Variants in PTMA observed in about 807,000 individuals in gnomAD.
PTMA encodes the protein prothymosin alpha, also known as gene sequence 28.
PTMA carries 4 observed loss-of-function variants against 16.9 expected under a neutral mutation model. The ratio of observed to expected loss-of-function variants is 0.24; its 90% CI spans 0.12 to 0.54. PTMA has a LOEUF of 0.54. Among genes scored for constraint, PTMA ranks in the 20% least tolerant of loss-of-function variants. The pLI is 0.95. For missense variants in PTMA, 120 were observed against 137.7 expected, an observed-to-expected ratio of 0.87 and a Z score of 0.64; for synonymous variants, 58 against 47.9, an observed-to-expected ratio of 1.21 and a Z score of -0.87.
rs375691548 is a variant in PTMA, at chr2:231,712,432, A to G, written c.212-11A>G. The G allele has an allele frequency of 3.7e-6, 6 of 1,613,344 alleles. No individual in the cohort carries two copies. The highest frequency in any genetic ancestry group is 5.1e-6 in the Non-Finnish European group (6 of 1,179,398). The stretch of plus-strand genomic sequence containing the variant: ...GGAAGTGTGGTTTACCTGGCCTTTG[A>G]TTCTCTCCAGGTGAGGAAGAGGATG... On this transcript the variant is annotated splice_polypyrimidine_tract_variant and intron_variant, in intron 3 of 4. Transcript: ENST00000409115.
intron 1 of PTMA, 189 bp from the exon 2 acceptor site, chr2:231,711,159 C>T: frequency 1.9e-6 from 1 of 524,982 alleles, no homozygotes; most frequent in Non-Finnish European, 3.4e-6. Context: ...TCACAGATGC[C>T]CCCCGCCGGC....
chr2:231,709,057 G>A (rs2048479346), intron 1 of PTMA, among the ~76,000 whole-genome samples: 1 of 152,174 alleles, frequency 6.6e-6, no homozygotes, highest in African/African-American at 2.4e-5. Flanking sequence ...AGTGGCGGCG[G>A]GAGGAGAAGA....
Position 231,708,535 on chromosome 2 carries a change from C to T in PTMA, c.-172C>T. On this transcript the variant is annotated 5_prime_UTR_variant, in exon 1 of 5. Coordinates refer to ENST00000409115, the MANE Select transcript of PTMA (RefSeq NM_002823.5). ...TGGCGCCGCGTGAGTCCCCCACTGG[C>T]TGCTCTGAAAAGCCATCTTTGCATT... 2 of 749,600 alleles carry T rather than the reference C, an allele frequency of 2.7e-6. No homozygotes were observed. Among genetic ancestry groups the T allele is most frequent in the South Asian group, 1.5e-5 (1 of 67,366 alleles). The allele number at this position is 749,600 out of a possible 1,614,324, so 46.4% of individuals were successfully genotyped here.
chr2:231,712,651 C>A (rs558179699), intron 4 of PTMA, 135 bp downstream of exon 4: 276 of 1,312,778 alleles, frequency 2.1e-4, no homozygotes, highest in Non-Finnish European at 2.7e-4. Context: ...ATCTTAAGAA[C>A]AGGAAGGAAA....
Position 231,712,447 on chromosome 2 carries a change from G to T in PTMA, c.216G>T (p.Glu72Asp). The T allele has an allele frequency of 6.2e-7, 1 of 1,614,070 alleles. No homozygotes were observed. Among genetic ancestry groups the T allele is most frequent in the East Asian group, 2.2e-5 (1 of 44,890 alleles). The change falls in exon 4 of 5, where the codon GAG becomes GAT. Residue 72 changes from glutamate to aspartate, a missense_variant. Coordinates refer to ENST00000409115, the MANE Select transcript of PTMA (RefSeq NM_002823.5). ...CTGGCCTTTGATTCTCTCCAGGTGA[G>T]GAAGAGGATGGAGATGAAGATGAGG... Reference protein sequence around the residue: ...EEEEEEEGDGEEEDGDEDEEA... With the variant: ...EEEEEEEGDGDEEDGDEDEEA...
chr2:231,711,715 G>C (rs1236570761), intron 2 of PTMA, 175 bp from the exon 3 acceptor site: 2 of 1,232,910 alleles, frequency 1.6e-6, no homozygotes, highest in African/African-American at 3.1e-5. Flanking sequence ...TAATGTGCAG[G>C]TTTCATGATG....
At chr2:231,710,262 T>C in intron 1 of PTMA, 1 of 1,334,352 alleles carries the variant, frequency 7.5e-7, no homozygotes, top group Admixed American at 2.9e-5. Flanking sequence ...CCCGCGCGCG[T>C]GCCACTGCAA....
chr2:231,711,130 A>G (rs762983275), intron 1 of PTMA: 1 of 446,890 alleles, frequency 2.2e-6, no homozygotes, highest in South Asian at 2.9e-5. Flanking sequence ...AGCGGGCCTT[A>G]AAGGATGGGA....
At chr2:231,711,115 G>A in intron 1 of PTMA, 3 of 395,274 alleles carry the variant, frequency 7.6e-6, no homozygotes. Flanking sequence ...CACCGGGGCC[G>A]CTGTAGCGGG....
At chr2:231,711,707 A>G in intron 2 of PTMA, 183 bp from the exon 3 acceptor site, 3 of 1,129,272 alleles carry the variant, frequency 2.7e-6, no homozygotes, top group Non-Finnish European at 3.7e-6. Flanking sequence ...GGGGCAGTTA[A>G]TGTGCAGGTT....
intron 1 of PTMA, chr2:231,709,884 C>T (rs2048494040): frequency 1.3e-5 from 4 of 314,356 alleles, no homozygotes; most frequent in African/African-American, 4.3e-5. Flanking sequence ...CCCTTGTGTC[C>T]CTGGCGTCAT....
intron 3 of PTMA, 34 bp from the exon 4 acceptor site, chr2:231,712,409 A>G (rs1559289774): frequency 3.4e-5 from 54 of 1,593,290 alleles, no homozygotes; most frequent in Non-Finnish European, 4.4e-5. Flanking sequence ...AGTAGGAGGG[A>G]AGTGTGGTTT....
At chr2:231,710,211 A>AGT in intron 1 of PTMA, 1 of 1,338,498 alleles carries the variant, frequency 7.5e-7, no homozygotes, top group Non-Finnish European at 9.7e-7. Flanking sequence ...GGGTGGCGGC[A>AGT]GTGGGGCGTC....
chr2:231,708,844 G>A (rs541482683), intron 1 of PTMA, 93 bp downstream of exon 1: 7 of 1,436,834 alleles, frequency 4.9e-6, no homozygotes, highest in South Asian at 1.2e-5. Flanking sequence ...CAAGCCCGCT[G>A]TTGCTCCCTC....
intron 1 of PTMA, among the ~76,000 whole-genome samples, chr2:231,710,920 CTTAT>C (rs138140192): frequency 0.014 from 2,191 of 152,364 alleles, 49 homozygotes; most frequent in African/African-American, 0.047. Flanking sequence ...CTCTCTTTGC[CTTAT>C]TTATTTTTGG....
At position 231,713,258 on chromosome 2, in the gene PTMA, A is replaced by G. The variant is rs1190522789; in HGVS notation, c.*407A>G. 2.1e-6 allele frequency: 1 copy of G among 468,810 alleles called. No individual in the cohort carries two copies. Among genetic ancestry groups the G allele is most frequent in the African/African-American group, 2.1e-5 (1 of 48,658 alleles). 29.0% of individuals were successfully genotyped at this position (468,810 alleles called of 1,614,324 possible). ...TTGTGGTGTGACCATGTTCATTATA[A>G]TCTCAAAGGAGAAAAAAAACCTTGT... On this transcript the variant is annotated 3_prime_UTR_variant, in exon 5 of 5. Transcript: ENST00000409115.
At chr2:231,710,483 A>G (rs889544036) in intron 1 of PTMA, 60 of 1,046,726 alleles carry the variant, frequency 5.7e-5, no homozygotes, top group Non-Finnish European at 7.4e-5. Flanking sequence ...GGGTCCGCGG[A>G]GCGGAGCGGG....
intron 1 of PTMA, chr2:231,710,370 CAA>C (rs1458055161): frequency 8.4e-7 from 1 of 1,194,782 alleles, no homozygotes; most frequent in Non-Finnish European, 1.0e-6. Context: ...GGCCCGCGCG[CAA>C]AGCCCGCCGG....
In PTMA at chr2:231,712,002, C is replaced by T. The variant is rs2048524426; in HGVS notation, c.211+19C>T. 1.3e-6 allele frequency: 2 copies of T among 1,555,626 alleles called. No individual in the cohort carries two copies. The highest frequency in any genetic ancestry group is 2.7e-5 in the African/African-American group (2 of 73,182). On this transcript the variant is annotated intron_variant, in intron 3 of 4. Transcript: ENST00000409115. ...GGTGATGGTGAGTAGCCTTGTCTAT[C>T]TTCCCCTTTTCAGGTACTTTTTCCT...
Sources: allele counts gnomAD v4.1 joint callset (sites outside exome capture counted in the v4.1 genomes callset), GRCh38; gene constraint gnomAD v4.1.1; transcripts MANE v1.5; gene names NCBI Gene and HGNC (gene_info 2026-07-23, HGNC 2026-07-21).